The following NLRP14 variants were observed in gnomAD, a reference collection of about 807,000 sequenced individuals.
NLRP14 encodes the protein NACHT, LRR and PYD domains-containing protein 14.
A neutral mutation model predicts 94.7 loss-of-function variants in NLRP14; 105 were observed. The ratio of observed to expected loss-of-function variants is 1.11; its 90% CI spans 0.95 to 1.30. The LOEUF (loss-of-function observed/expected upper bound fraction) is 1.30, where lower values mean the gene tolerates loss of function less well. Among genes scored for constraint, NLRP14 ranks in the 50% most tolerant of loss-of-function variants. The pLI is 0.00. For synonymous variants in NLRP14, 508 were observed against 459.9 expected, an observed-to-expected ratio of 1.10 and a Z score of -1.34; for missense variants, 1,362 against 1,254.1, an observed-to-expected ratio of 1.09 and a Z score of -1.30.
chr11:7,058,179 G>A, intron 7 of NLRP14, 101 bp from the exon 8 acceptor site: 1 of 929,188 alleles, frequency 1.1e-6, no homozygotes. Context: ...TTTTATAGTT[G>A]AGGTATGGGG....
At chr11:7,059,212 TTA>T (rs1207969830) in intron 8 of NLRP14, among the ~76,000 whole-genome samples, 2 of 150,434 alleles carry the variant, frequency 1.3e-5, no homozygotes, top group Non-Finnish European at 3.0e-5. Context: ...TTATTATTTT[TTA>T]TATATTACAA....
At chr11:7,033,816 G>T (rs1271706285) in intron 1 of NLRP14, among the ~76,000 whole-genome samples, 4 of 152,216 alleles carry the variant, frequency 2.6e-5, no homozygotes, top group Non-Finnish European at 5.9e-5. Context: ...TGACAGTTCT[G>T]AGAAGTACTA....
At chr11:7,028,198 T>G (rs2119557310) in intron 1 of NLRP14, among the ~76,000 whole-genome samples, 1 of 152,298 alleles carries the variant, frequency 6.6e-6, no homozygotes, top group East Asian at 1.9e-4. Flanking sequence ...CATCCCAAAT[T>G]TACCAAAAAT....
intron 9 of NLRP14, 71 bp from the exon 10 acceptor site, chr11:7,062,262 A>G (rs1852633672): frequency 7.8e-7 from 1 of 1,285,766 alleles, no homozygotes; most frequent in African/African-American, 1.5e-5. Flanking sequence ...ATACCTGGGT[A>G]TATCTCCTAG....
chr11:7,081,912 T>A, the NLRP14 span, among the ~76,000 whole-genome samples: 5 of 152,292 alleles, frequency 3.3e-5, no homozygotes, highest in East Asian at 9.7e-4. Context: ...GAGGTAGGGC[T>A]AAATTTCTGA....
rs780038791 is a variant in NLRP14, at chr11:7,062,351, C to T, written c.2823C>T (p.Leu941=). 24 of 1,612,778 alleles carry T rather than the reference C, an allele frequency of 1.5e-5. No individual in the cohort carries two copies. Among genetic ancestry groups the T allele is most frequent in the Non-Finnish European group, 2.0e-5 (24 of 1,179,026 alleles). Residue 941 remains leucine, a synonymous_variant, in exon 10 of 12, where the codon CTC becomes CTT. Coordinates refer to ENST00000299481, the MANE Select transcript of NLRP14 (RefSeq NM_176822.4). ...CTTACAGATTGATGGGCTGTGTTCT[C>T]ACTAATGCATGTTGTCTGGATCTGG... ...LQDLELMGCV[L]TNACCLDLAS... is the part of the protein sequence containing the mutation.
rs1156298291 is a variant in NLRP14, at chr11:7,042,833, A to G, written c.807A>G (p.Glu269=). Residue 269 remains glutamate (E), a synonymous_variant, in exon 4 of 12, where the codon GAA becomes GAG. Coordinates refer to ENST00000299481, the MANE Select transcript of NLRP14 (RefSeq NM_176822.4). The part of the protein sequence containing the change: ...DSFDELNFAF[E]EPEFALCEDW... ...TCGATGAACTGAACTTTGCCTTTGA[A>G]GAACCTGAGTTTGCACTGTGCGAAG... 6.8e-6 allele frequency: 11 copies of G among 1,614,080 alleles called. No homozygotes were observed. Among genetic ancestry groups the G allele is most frequent in the Non-Finnish European group, 9.3e-6 (11 of 1,180,042 alleles).
At chr11:7,057,021 A>T (rs1408500909) in intron 6 of NLRP14, among the ~76,000 whole-genome samples, 1 of 151,970 alleles carries the variant, frequency 6.6e-6, no homozygotes, top group Non-Finnish European at 1.5e-5. Flanking sequence ...ATACCCAGAG[A>T]AATTCCAAAT....
chr11:7,048,306 A>G (rs1461620599), intron 5 of NLRP14, among the ~76,000 whole-genome samples: 1 of 152,016 alleles, frequency 6.6e-6, no homozygotes, highest in Non-Finnish European at 1.5e-5. Context: ...TCTTAATTGG[A>G]TTCTAGATAA....
chr11:7,059,767 G>A, intron 8 of NLRP14, 127 bp from the exon 9 acceptor site: 1 of 789,606 alleles, frequency 1.3e-6, no homozygotes, highest in Non-Finnish European at 2.2e-6. Flanking sequence ...TGGCAGTGAG[G>A]GTGTTTCATC....
Position 7,071,339 on chromosome 11 carries a change from T to A in NLRP14, c.*31T>A, listed in dbSNP as rs1170812805. On this transcript the variant is annotated 3_prime_UTR_variant, in exon 12 of 12. Coordinates refer to ENST00000299481, the MANE Select transcript of NLRP14 (RefSeq NM_176822.4). ...AGAAACTGACATTCCTTTAAAAATA[T>A]AAATATAAATACATACATACATAGA... 3.8e-6 allele frequency: 6 copies of A among 1,564,102 alleles called. No homozygotes were observed. Among genetic ancestry groups the A allele is most frequent in the Non-Finnish European group, 5.3e-6 (6 of 1,141,338 alleles).
At chr11:7,024,557 T>C (rs986388275) in intron 1 of NLRP14, among the ~76,000 whole-genome samples, 2 of 152,236 alleles carry the variant, frequency 1.3e-5, no homozygotes, top group South Asian at 2.1e-4. Context: ...AAGCACAACC[T>C]TGTGACTGAG....
chr11:7,040,761 A>G (rs1852235488), intron 3 of NLRP14, among the ~76,000 whole-genome samples: 1 of 152,248 alleles, frequency 6.6e-6, no homozygotes, highest in Non-Finnish European at 1.5e-5. Flanking sequence ...CCCAAGCACT[A>G]AAATAGAAAA....
intron 7 of NLRP14, 48 bp downstream of exon 7, chr11:7,057,895 G>T (rs751440175): frequency 4.0e-6 from 6 of 1,503,478 alleles, no homozygotes; most frequent in Non-Finnish European, 5.6e-6. Context: ...GCTTGGTTCT[G>T]TGTAGCTTAA....
chr11:7,050,746 C>G (rs960180610), intron 6 of NLRP14, among the ~76,000 whole-genome samples: 2 of 152,162 alleles, frequency 1.3e-5, no homozygotes, highest in African/African-American at 4.8e-5. Context: ...TACAGCATAT[C>G]TGGAAAGTTG....
intron 10 of NLRP14, among the ~76,000 whole-genome samples, chr11:7,068,832 C>G (rs1852747562): frequency 6.6e-6 from 1 of 151,818 alleles, no homozygotes; most frequent in Non-Finnish European, 1.5e-5. Context: ...TTCTTCTTTT[C>G]TGGTAGAGAT....
chr11:7,076,716 GTATT>G, the NLRP14 span, among the ~76,000 whole-genome samples: 1 of 151,572 alleles, frequency 6.6e-6, no homozygotes, highest in Non-Finnish European at 1.5e-5. Flanking sequence ...TCACAGATAT[GTATT>G]TATTTTATTT....
intron 1 of NLRP14, among the ~76,000 whole-genome samples, chr11:7,034,224 G>A (rs1035639299): frequency 2.6e-5 from 4 of 152,156 alleles, no homozygotes; most frequent in Non-Finnish European, 4.4e-5. Flanking sequence ...GTCAATATCA[G>A]TACGGACTCA....
chr11:7,027,635 G>C (rs1286850532), intron 1 of NLRP14, among the ~76,000 whole-genome samples: 1 of 151,990 alleles, frequency 6.6e-6, no homozygotes. Flanking sequence ...CCTTCCTTTT[G>C]AGCCAAACTT....
Sources: gnomAD v4.1 joint callset for allele counts (sites outside exome capture counted in the v4.1 genomes callset) on GRCh38, gnomAD v4.1.1 for gene constraint, MANE v1.5 for transcripts, NCBI Gene and HGNC (gene_info 2026-07-23, HGNC 2026-07-21) for gene names.